The following HINT1 variants were observed in gnomAD, a reference collection of about 807,000 sequenced individuals.
HINT1 encodes the protein adenosine 5'-monophosphoramidase HINT1.
HINT1 carries 12 observed loss-of-function variants against 11.2 expected under a neutral mutation model. The ratio of observed to expected loss-of-function variants is 1.07; its 90% CI spans 0.69 to 1.74. The LOEUF (loss-of-function observed/expected upper bound fraction) is 1.74, where lower values mean the gene tolerates loss of function less well. HINT1 is among the 40% of genes most tolerant of loss of function. The pLI is 0.00. For synonymous variants in HINT1, 42 were observed against 52.6 expected, an observed-to-expected ratio of 0.80 and a Z score of 0.87; for missense variants, 150 against 161.8, an observed-to-expected ratio of 0.93 and a Z score of 0.40.
At position 131,159,285 on chromosome 5, in the gene HINT1, G is replaced by A. The variant is rs1259011404; in HGVS notation, c.*162C>T. On this transcript the variant is annotated 3_prime_UTR_variant, in exon 3 of 3. Transcript: ENST00000304043. ...ACAAATCAAACGCAACACTCAGAGAGACTATAAGCCATGCAACAATGTCTT... is the reference window on the plus strand; with the variant it reads ...ACAAATCAAACGCAACACTCAGAGAAACTATAAGCCATGCAACAATGTCTT... 11 of 552,950 alleles carry A rather than the reference G, an allele frequency of 2.0e-5. No individual in the cohort carries two copies. The Admixed American group carries it at 2.9e-4, about 14-fold the overall frequency. The allele number at this position is 552,950 out of a possible 1,614,324, so 34.3% of individuals were successfully genotyped here. A position where few individuals can be genotyped will look rare whatever the true frequency, so the allele number is the denominator to read the frequency against.
chr5:131,160,413 C>G (rs1755220466), intron 2 of HINT1, among the ~76,000 whole-genome samples: 1 of 152,154 alleles, frequency 6.6e-6, no homozygotes, highest in African/African-American at 2.4e-5. Flanking sequence ...TGCCAGCTTT[C>G]TTCCCTAATA....
chr5:131,162,699 A>C, intron 1 of HINT1, 23 bp from the exon 2 acceptor site: 2 of 1,473,746 alleles, frequency 1.4e-6, no homozygotes, highest in South Asian at 1.2e-5. Flanking sequence ...GAAATAAATA[A>C]ATAAATCAAA....
intron 1 of HINT1, among the ~76,000 whole-genome samples, chr5:131,163,523 C>A (rs150778888): frequency 8.6e-4 from 131 of 152,160 alleles, no homozygotes; most frequent in Admixed American, 1.6e-3. Flanking sequence ...CAGAAAAAAA[C>A]CTCTGATTGC....
At position 131,165,169 on chromosome 5, in the gene HINT1, G is replaced by A; in HGVS notation, c.37C>T (p.Pro13Ser). Reference protein sequence around the residue: ...DEIAKAQVARPGGDTIFGKII... With the variant: ...DEIAKAQVARSGGDTIFGKII... ...TTCCCAAAGATCGTGTCGCCACCAG[G>A]CCGAGCGACCTGAGCCTTGGCAATC... Residue 13 changes from proline (P) to serine (S), a missense_variant, in exon 1 of 3, where the codon CCT becomes TCT. Transcript: ENST00000304043. The A allele has an allele frequency of 6.8e-6, 11 of 1,610,976 alleles. No homozygotes were observed. The highest frequency in any genetic ancestry group is 9.3e-6 in the Non-Finnish European group (11 of 1,179,928).
intron 1 of HINT1, among the ~76,000 whole-genome samples, chr5:131,163,474 C>T (rs1388454711): frequency 1.3e-5 from 2 of 152,140 alleles, no homozygotes; most frequent in African/African-American, 4.8e-5. Flanking sequence ...CCATTCCATT[C>T]CCAGCACATA....
chr5:131,160,677 A>G, intron 2 of HINT1: 1 of 1,227,764 alleles, frequency 8.1e-7, no homozygotes, highest in South Asian at 1.4e-5. Context: ...AGTAAGGTCC[A>G]TTGTACAGAT....
rs1755224237 is a variant in HINT1, at chr5:131,160,555, A to T, written c.217-944T>A. 1.1e-5 allele frequency: 3 copies of T among 267,352 alleles called. No homozygotes were observed. The South Asian group carries it at 3.4e-4, about 30-fold the overall frequency. The allele number at this position is 267,352 out of a possible 1,614,324, so 16.6% of individuals were successfully genotyped here. On this transcript the variant is annotated intron_variant, in intron 2 of 2. Coordinates refer to ENST00000304043, the MANE Select transcript of HINT1 (RefSeq NM_005340.7). ...ATTCTAAAAAGCTCTCAGGAAAGGG[A>T]ACTCCTTTAATTCCTTTGGCAAGAA...
chr5:131,160,904 G>A (rs1319901039), intron 2 of HINT1: 2 of 449,402 alleles, frequency 4.5e-6, no homozygotes, highest in South Asian at 1.6e-5. Flanking sequence ...AACGTTAAGT[G>A]TTCCGAGCAA....
In HINT1 at chr5:131,162,489, G is replaced by A. The variant is rs537062824; in HGVS notation, c.216+83C>T. 9.5e-6 allele frequency: 15 copies of A among 1,587,146 alleles called. 1 individual carries two copies. Among genetic ancestry groups the A allele is most frequent in the Non-Finnish European group, 1.3e-5 (15 of 1,167,436 alleles). On this transcript the variant is annotated intron_variant, in intron 2 of 2. Coordinates refer to ENST00000304043, the MANE Select transcript of HINT1 (RefSeq NM_005340.7). The stretch of plus-strand genomic sequence containing the variant: ...TCCTTAGTAATGACCTTAGGAAGAT[G>A]AAAATGTGACAGCACTTTAAGGACA...
At chr5:131,163,038 T>C (rs959693789) in intron 1 of HINT1, among the ~76,000 whole-genome samples, 2 of 152,054 alleles carry the variant, frequency 1.3e-5, no homozygotes, top group African/African-American at 2.4e-5. Context: ...GGTTTCACCA[T>C]GTTGTCCAGG....
At chr5:131,162,023 G>C (rs907017317) in intron 2 of HINT1, 1 of 173,472 alleles carries the variant, frequency 5.8e-6, no homozygotes, top group Non-Finnish European at 1.2e-5. Context: ...CTTTTCTCTA[G>C]CTTACTTTAA....
rs545256091 is a variant in HINT1 at position 131,164,495 on chromosome 5, G to A, written c.111+600C>T. On this transcript the variant is annotated intron_variant, in intron 1 of 2. Coordinates refer to ENST00000304043, the MANE Select transcript of HINT1 (RefSeq NM_005340.7). ...TCGCTAGCCCAGGGTAGGCCTTGGG[G>A]TGGAGATAGGGATAGGGGTAGGGGT... Among the ~76,000 whole-genome samples, 169 of 152,346 alleles carry A rather than the reference G, an allele frequency of 1.1e-3. 1 individual carries two copies. The highest frequency in any genetic ancestry group is 3.8e-3 in the African/African-American group (156 of 41,596).
At chr5:131,161,595 C>CAAAAAAAAAGAAAAAAAAAAAA (rs1755249724) in intron 2 of HINT1, among the ~76,000 whole-genome samples, 1 of 61,652 alleles carries the variant, frequency 1.6e-5, no homozygotes, top group Non-Finnish European at 3.4e-5. Context: ...AACTCCGTCT[C>CAAAAAAAAAGAAAAAAAAAAAA]AAAAAAAAAA....
chr5:131,159,646 A>G lies in HINT1; in HGVS notation c.217-35T>C, dbSNP rs770175450. On this transcript the variant is annotated intron_variant, in intron 2 of 2. Transcript: ENST00000304043. ...GAAAAAAAGTTTCTTAGGCACAGGC[A>G]ATTTATTACTTCTTGCCATTAAATA... The G allele has an allele frequency of 3.2e-6, 5 of 1,582,532 alleles. No individual in the cohort carries two copies. In the African/African-American group the frequency reaches 6.8e-5, roughly 21 times the overall value.
At chr5:131,164,784 C>A (rs1755350507) in intron 1 of HINT1, among the ~76,000 whole-genome samples, 1 of 152,074 alleles carries the variant, frequency 6.6e-6, no homozygotes, top group African/African-American at 2.4e-5. Context: ...GGGGAACCGG[C>A]GGGCTTCCAC....
rs139132090 is a variant in HINT1, at chr5:131,163,723, A to T, written c.112-1047T>A. Among the ~76,000 whole-genome samples the T allele has an allele frequency of 3.0e-3, 463 of 152,308 alleles. 3 individuals carry two copies. The highest frequency in any genetic ancestry group is 0.01 in the African/African-American group (434 of 41,560). ...TTGTGTAAAGCTGAAGAGTATATAT[A>T]TGATATTCTTTAGCATTTAGACTAA... On this transcript the variant is annotated intron_variant, in intron 1 of 2. Transcript: ENST00000304043.
At chr5:131,164,924 C>T in intron 1 of HINT1, 171 bp downstream of exon 1, 1 of 879,148 alleles carries the variant, frequency 1.1e-6, no homozygotes, top group Non-Finnish European at 1.6e-6. Context: ...GGCAGGCCGC[C>T]TCGGAGTGCC....
At chr5:131,162,495 G>T (rs774719118) in intron 2 of HINT1, 77 bp downstream of exon 2, 22 of 1,593,414 alleles carry the variant, frequency 1.4e-5, no homozygotes, top group Non-Finnish European at 1.8e-5. Flanking sequence ...AGATGAAAAT[G>T]TGACAGCACT....
intron 1 of HINT1, 95 bp downstream of exon 1, chr5:131,165,000 A>G (rs1414995275): frequency 3.9e-6 from 6 of 1,555,864 alleles, no homozygotes; most frequent in Non-Finnish European, 4.4e-6. Context: ...CGTCGCCGCT[A>G]CACTCGCGAC....
Sources: allele counts gnomAD v4.1 joint callset (sites outside exome capture counted in the v4.1 genomes callset), GRCh38; gene constraint gnomAD v4.1.1; transcripts MANE v1.5; gene names NCBI Gene and HGNC (gene_info 2026-07-23, HGNC 2026-07-21).